Variants in POLA1 observed in about 807,000 individuals in gnomAD.
POLA1 encodes the protein DNA polymerase alpha 1, catalytic subunit.
In POLA1, 15 loss-of-function variants were observed where a neutral mutation model predicts 124.0. That is an observed-to-expected ratio of 0.12 (90% confidence interval 0.08 to 0.19). The LOEUF is 0.19. Among genes scored for constraint, POLA1 ranks in the 10% least tolerant of loss-of-function variants. The probability of loss-of-function intolerance (pLI) is 1.00; values close to 1 mark genes in which losing one functional copy is unlikely to be tolerated. For missense variants in POLA1, 886 were observed against 1,103.4 expected (o/e 0.80, Z 2.79); for synonymous variants, 408 against 389.4 (o/e 1.05, Z -0.56).
chrX:24,742,888 G>A (rs1373868823), intron 22 of POLA1, among the ~76,000 whole-genome samples: 2 of 111,891 alleles, frequency 1.8e-5, no homozygotes, highest in African/African-American at 6.5e-5. Context: ...GTGATTTTAA[G>A]AGGGCTGTTT....
chrX:24,725,434 G>A (rs182923026), intron 12 of POLA1, among the ~76,000 whole-genome samples: 2 of 110,855 alleles, frequency 1.8e-5, no homozygotes, highest in Admixed American at 1.9e-4. Flanking sequence ...CAGACCTCAA[G>A]TGATCCGCCC....
At chrX:24,922,667 A>G (rs1260972287) in intron 35 of POLA1, among the ~76,000 whole-genome samples, 1 of 111,444 alleles carries the variant, frequency 9.0e-6, no homozygotes, top group Non-Finnish European at 1.9e-5. Flanking sequence ...ATCCATTCAT[A>G]CCATAGATAG....
chrX:24,956,162 C>T (rs1180583251), intron 36 of POLA1, among the ~76,000 whole-genome samples: 1 of 108,852 alleles, frequency 9.2e-6, no homozygotes, highest in East Asian at 2.9e-4. Flanking sequence ...TGGCACATGC[C>T]TATCTATAGT....
intron 36 of POLA1, among the ~76,000 whole-genome samples, chrX:24,945,290 T>C (rs1249812794): frequency 8.9e-6 from 1 of 112,662 alleles, no homozygotes; most frequent in Non-Finnish European, 1.9e-5. Context: ...CTATCTATTA[T>C]AGTACTTAGT....
chrX:24,868,523 A>G (rs1246366106), intron 34 of POLA1, among the ~76,000 whole-genome samples: 1 of 112,212 alleles, frequency 8.9e-6, no homozygotes, highest in Non-Finnish European at 1.9e-5. Context: ...GAGGCAAGAG[A>G]GTAACAGTAT....
chrX:24,790,909 ATG>A (rs61497529), intron 26 of POLA1, among the ~76,000 whole-genome samples: 2,686 of 72,095 alleles, frequency 0.037, 104 homozygotes, highest in African/African-American at 0.13. Context: ...ATTTATGTAT[ATG>A]TATATATATA....
At chrX:24,817,935 ATTTTTTT>A (rs747221901) in intron 30 of POLA1, among the ~76,000 whole-genome samples, 1 of 81,491 alleles carries the variant, frequency 1.2e-5, no homozygotes, top group Non-Finnish European at 2.4e-5. Context: ...TCATGACAAT[ATTTTTTT>A]TTTTTTTTTT....
chrX:24,945,338 A>T (rs2047948263), intron 36 of POLA1, among the ~76,000 whole-genome samples: 1 of 112,444 alleles, frequency 8.9e-6, no homozygotes, highest in East Asian at 2.8e-4. Context: ...GCAGCCTGTC[A>T]TTGACCATGT....
intron 26 of POLA1, among the ~76,000 whole-genome samples, chrX:24,781,975 T>C (rs1360103497): frequency 9.0e-6 from 1 of 111,673 alleles, no homozygotes; most frequent in Non-Finnish European, 1.9e-5. Context: ...ATTTACTGAG[T>C]AGCTGTCAGG....
intron 35 of POLA1, among the ~76,000 whole-genome samples, chrX:24,922,354 C>A (rs1312029292): frequency 9.1e-6 from 1 of 110,425 alleles, no homozygotes; most frequent in Non-Finnish European, 1.9e-5. Flanking sequence ...CAAAGCACTA[C>A]AATTACAGGC....
At position 24,723,265 on chromosome X, in the gene POLA1, A is replaced by G. The variant is rs757289202; in HGVS notation, c.1198A>G (p.Met400Val). 8.9e-7 allele frequency: 1 copy of G among 1,127,470 alleles called. No homozygotes were observed. The highest frequency in any genetic ancestry group is 1.8e-5 in the South Asian group (1 of 54,906). 92.9% of individuals were successfully genotyped at this position (1,127,470 alleles called of 1,213,427 possible). ...ERTLYFLPRE[M>V]KIDLNTGKET... ...AACGCTTTACTTCCTTCCCCGTGAAATGGTAAACATTAGTGATTAGCTTTT... is the reference window on the plus strand; with the variant it reads ...AACGCTTTACTTCCTTCCCCGTGAAGTGGTAAACATTAGTGATTAGCTTTT... Residue 400 changes from methionine to valine, a missense_variant and splice_region_variant, in exon 11 of 37, where the codon ATG becomes GTG. By Grantham distance (21) the Met-to-Val change is conservative (BLOSUM62 1). This residue lies in a region of POLA1 where 337 missense variants were observed against 402.8 expected (regional missense o/e 0.84). Coordinates refer to ENST00000379068, the MANE Select transcript of POLA1 (RefSeq NM_001330360.2).
At chrX:24,974,794 C>T (rs2147279669) in intron 36 of POLA1, among the ~76,000 whole-genome samples, 1 of 111,941 alleles carries the variant, frequency 8.9e-6, no homozygotes, top group Admixed American at 9.5e-5. Context: ...ACGTTCTGCA[C>T]ATGTATCCCA....
At chrX:24,733,691 A>G in intron 16 of POLA1, 64 bp from the exon 17 acceptor site, 1 of 613,254 alleles carries the variant, frequency 1.6e-6, no homozygotes, top group Non-Finnish European at 2.6e-6. Flanking sequence ...AACATGTACT[A>G]TATGATTACC....
chrX:24,867,280 A>G (rs1335068519), intron 34 of POLA1, among the ~76,000 whole-genome samples: 4 of 110,966 alleles, frequency 3.6e-5, no homozygotes, highest in African/African-American at 1.3e-4. Context: ...TTTTCTATGA[A>G]TGATAGTGTT....
intron 26 of POLA1, among the ~76,000 whole-genome samples, chrX:24,794,358 G>A (rs1351204346): frequency 8.9e-6 from 1 of 112,189 alleles, no homozygotes; most frequent in East Asian, 2.8e-4. Context: ...GAACTTCTTA[G>A]GAAAACTTCA....
At chrX:24,969,437 G>A (rs770944141) in intron 36 of POLA1, among the ~76,000 whole-genome samples, 7 of 110,380 alleles carry the variant, frequency 6.3e-5, no homozygotes, top group Admixed American at 9.7e-5. Context: ...CAGGGAAAAG[G>A]TAAACCAAGA....
At chrX:24,935,123 C>T (rs2047832430) in intron 36 of POLA1, among the ~76,000 whole-genome samples, 1 of 111,590 alleles carries the variant, frequency 9.0e-6, no homozygotes, top group African/African-American at 3.3e-5. Context: ...GATTGGGTCC[C>T]ACCCTAATGA....
intron 32 of POLA1, among the ~76,000 whole-genome samples, chrX:24,828,815 G>T (rs994106327): frequency 9.0e-6 from 1 of 111,457 alleles, no homozygotes. Flanking sequence ...AGCCTGCTTG[G>T]GTGGATTGGC....
intron 35 of POLA1, among the ~76,000 whole-genome samples, chrX:24,921,892 T>TTGTGTGTGTGTGTGTGTGTGTGTGTG (rs755172411): frequency 8.0e-4 from 85 of 105,729 alleles, no homozygotes; most frequent in African/African-American, 3.1e-3. Context: ...GTTTTGCCTT[T>TTGTGTGTGTGTGTGTGTGTGTGTGTG]TGTGTGTGTG....
Sources: gnomAD v4.1 joint callset for allele counts (sites outside exome capture counted in the v4.1 genomes callset) on GRCh38, gnomAD v4.1.1 for gene constraint, gnomAD v4.1.1 regional missense constraint, MANE v1.5 for transcripts, NCBI Gene and HGNC (gene_info 2026-07-23, HGNC 2026-07-21) for gene names.